Variants in QTMAN observed in about 807,000 individuals in gnomAD.
QTMAN encodes queuosine-tRNA mannosyltransferase.
chr2:144,001,304 G>A, the QTMAN span, among the ~76,000 whole-genome samples: 1 of 151,852 alleles, frequency 6.6e-6, no homozygotes, highest in Admixed American at 6.6e-5. Flanking sequence ...TTGAAATATA[G>A]ATGTCAAAGT....
At chr2:144,102,292 A>G in the QTMAN span, among the ~76,000 whole-genome samples, 1 of 152,204 alleles carries the variant, frequency 6.6e-6, no homozygotes, top group Non-Finnish European at 1.5e-5. Flanking sequence ...GCTATTACGA[A>G]GTTGGTTTGT....
the QTMAN span, among the ~76,000 whole-genome samples, chr2:144,278,472 C>T: frequency 2.6e-5 from 4 of 151,598 alleles, no homozygotes; most frequent in African/African-American, 7.3e-5. Flanking sequence ...GCACCTACTA[C>T]GGGCCAAGAG....
chr2:144,232,727 G>A, the QTMAN span, among the ~76,000 whole-genome samples: 17 of 152,206 alleles, frequency 1.1e-4, no homozygotes, highest in Non-Finnish European at 1.9e-4. Flanking sequence ...TCACCTGAAA[G>A]TAAATCATTT....
chr2:144,208,527 T>A, the QTMAN span: 1 of 1,216,994 alleles, frequency 8.2e-7, no homozygotes, highest in Non-Finnish European at 1.2e-6. Flanking sequence ...TTCTCAAAGA[T>A]ACTGATGGAG....
chr2:144,016,293 C>T, the QTMAN span, among the ~76,000 whole-genome samples: 2 of 152,198 alleles, frequency 1.3e-5, no homozygotes, highest in Non-Finnish European at 2.9e-5. Context: ...ATCTCTATCA[C>T]TCAAATGACC....
chr2:144,059,356 AACTGT>A, the QTMAN span, among the ~76,000 whole-genome samples: 1 of 152,166 alleles, frequency 6.6e-6, no homozygotes, highest in African/African-American at 2.4e-5. Flanking sequence ...TTTTGAATAC[AACTGT>A]ACCCAAGCAA....
the QTMAN span, among the ~76,000 whole-genome samples, chr2:144,258,524 T>C: frequency 1.1e-4 from 17 of 152,330 alleles, no homozygotes; most frequent in East Asian, 3.1e-3. Flanking sequence ...AGGCAACGTC[T>C]TTCAGAGTTG....
At chr2:144,018,326 T>A in the QTMAN span, among the ~76,000 whole-genome samples, 1 of 151,298 alleles carries the variant, frequency 6.6e-6, no homozygotes, top group African/African-American at 2.4e-5. Context: ...CATAACCACT[T>A]TTTTTTTTCT....
At chr2:144,309,122 T>C in the QTMAN span, among the ~76,000 whole-genome samples, 1 of 152,214 alleles carries the variant, frequency 6.6e-6, no homozygotes, top group Non-Finnish European at 1.5e-5. Flanking sequence ...TACCAAGTGC[T>C]GGCCAGAATG....
At chr2:144,218,939 C>CAAAAAAAAAAAAA in the QTMAN span, among the ~76,000 whole-genome samples, 10 of 104,240 alleles carry the variant, frequency 9.6e-5, no homozygotes, top group Admixed American at 2.8e-4. Flanking sequence ...AAAAAAAAAG[C>CAAAAAAAAAAAAA]AAAATCCTAG....
chr2:144,137,203 T>C, the QTMAN span, among the ~76,000 whole-genome samples: 1 of 152,158 alleles, frequency 6.6e-6, no homozygotes, highest in Non-Finnish European at 1.5e-5. Context: ...AAGTGGATTA[T>C]GCATTTTCCT....
At chr2:144,281,206 A>G in the QTMAN span, among the ~76,000 whole-genome samples, 1 of 151,592 alleles carries the variant, frequency 6.6e-6, no homozygotes, top group African/African-American at 2.4e-5. Flanking sequence ...ATTCTCTTAC[A>G]CTTTCAGAGA....
the QTMAN span, among the ~76,000 whole-genome samples, chr2:144,046,245 C>T: frequency 7.9e-5 from 12 of 152,126 alleles, no homozygotes; most frequent in East Asian, 5.8e-4. Context: ...CAAAAGGCCA[C>T]GTTAATTTTA....
At chr2:144,114,436 T>C in the QTMAN span, among the ~76,000 whole-genome samples, 5 of 152,210 alleles carry the variant, frequency 3.3e-5, no homozygotes, top group African/African-American at 9.6e-5. Flanking sequence ...TTTAGTGATA[T>C]GGGGTGCTCC....
chr2:144,177,113 A>G, the QTMAN span: 2 of 700,688 alleles, frequency 2.9e-6, no homozygotes, highest in African/African-American at 1.7e-5. Flanking sequence ...CCATGATCCA[A>G]TCACCTCCCA....
chr2:143,946,995 C>T, the QTMAN span: 1 of 1,259,290 alleles, frequency 7.9e-7, no homozygotes. Flanking sequence ...TGGGCACACT[C>T]TGGAAAGTTC....
chr2:144,131,745 T>A, the QTMAN span, among the ~76,000 whole-genome samples: 1 of 151,924 alleles, frequency 6.6e-6, no homozygotes, highest in Non-Finnish European at 1.5e-5. Context: ...CAGCAAGAAA[T>A]AACATGGCAT....
chr2:143,947,113 CA>C, the QTMAN span: 5 of 1,613,596 alleles, frequency 3.1e-6, no homozygotes, highest in Non-Finnish European at 4.2e-6. Flanking sequence ...TAGGGCTGCC[CA>C]AGAAAACGGA....
At chr2:144,095,538 T>C in the QTMAN span, among the ~76,000 whole-genome samples, 1 of 152,186 alleles carries the variant, frequency 6.6e-6, no homozygotes, top group Non-Finnish European at 1.5e-5. Flanking sequence ...ATGACATCAT[T>C]TTAATCCTTG....
Sources: allele counts gnomAD v4.1 joint callset (sites outside exome capture counted in the v4.1 genomes callset), GRCh38; gene constraint gnomAD v4.1.1; transcripts MANE v1.5; gene names NCBI Gene and HGNC (gene_info 2026-07-23, HGNC 2026-07-21).